Variants in XKR4 observed in about 807,000 individuals in gnomAD.
XKR4 encodes XK-related protein 4.
XKR4 carries 12 observed loss-of-function variants against 53.9 expected under a neutral mutation model. The ratio of observed to expected loss-of-function variants is 0.22; its 90% CI spans 0.14 to 0.36. XKR4 has a LOEUF of 0.36. Among genes scored for constraint, XKR4 ranks in the 10% least tolerant of loss-of-function variants. The probability of loss-of-function intolerance (pLI) is 1.00; values close to 1 mark genes in which losing one functional copy is unlikely to be tolerated. For missense variants in XKR4, 799 were observed against 859.5 expected (o/e 0.93, Z 0.88); for synonymous variants, 354 against 362.4 (o/e 0.98, Z 0.26).
intron 2 of XKR4, among the ~76,000 whole-genome samples, chr8:55,515,468 A>G (rs1806698697): frequency 6.6e-6 from 1 of 152,032 alleles, no homozygotes; most frequent in Non-Finnish European, 1.5e-5. Context: ...AAGAGGTTCT[A>G]CTGCTTTTAT....
intron 1 of XKR4, among the ~76,000 whole-genome samples, chr8:55,274,511 C>T (rs1421780650): frequency 6.6e-6 from 1 of 151,728 alleles, no homozygotes; most frequent in East Asian, 1.9e-4. Flanking sequence ...TGGCTTACTG[C>T]AGCCTCCGCC....
intron 2 of XKR4, among the ~76,000 whole-genome samples, chr8:55,446,910 C>T (rs1805355673): frequency 6.6e-6 from 1 of 152,126 alleles, no homozygotes; most frequent in Middle Eastern, 3.4e-3. Context: ...AGTGCCTGCC[C>T]CAAATGTATG....
At chr8:55,507,046 T>C (rs1677102872) in intron 2 of XKR4, among the ~76,000 whole-genome samples, 1 of 152,232 alleles carries the variant, frequency 6.6e-6, no homozygotes, top group African/African-American at 2.4e-5. Flanking sequence ...TGTTTCTTTA[T>C]GATTATCTGG....
intron 1 of XKR4, among the ~76,000 whole-genome samples, chr8:55,138,346 C>T (rs1041013760): frequency 6.6e-6 from 1 of 152,116 alleles, no homozygotes; most frequent in Non-Finnish European, 1.5e-5. Flanking sequence ...CCTCCAATAA[C>T]GAAACCAAGA....
intron 2 of XKR4, among the ~76,000 whole-genome samples, chr8:55,410,454 T>A (rs371197762): frequency 6.6e-6 from 1 of 152,216 alleles, no homozygotes; most frequent in Non-Finnish European, 1.5e-5. Context: ...AATTGGGTTA[T>A]AATCCTCAGC....
intron 1 of XKR4, among the ~76,000 whole-genome samples, chr8:55,234,843 C>T (rs566496923): frequency 6.6e-6 from 1 of 152,284 alleles, no homozygotes; most frequent in Admixed American, 6.5e-5. Flanking sequence ...GCGCAGACCC[C>T]TATGGCTGTG....
Position 55,428,068 on chromosome 8 carries a change from T to C in XKR4, c.1006+70191T>C, listed in dbSNP as rs144599596. Among the ~76,000 whole-genome samples, 17 of 152,360 alleles carry C rather than the reference T, an allele frequency of 1.1e-4. No individual in the cohort carries two copies. The East Asian group carries it at 3.1e-3, about 28-fold the overall frequency. On this transcript the variant is annotated intron_variant, in intron 2 of 2. Coordinates refer to ENST00000327381, the MANE Select transcript of XKR4 (RefSeq NM_052898.2). Reference sequence around the variant, plus strand: ...GTCTATGGGAACTGGATGTGATTTATACAACTTTATGTGCTTTAAAAATAT... The same window carrying C: ...GTCTATGGGAACTGGATGTGATTTACACAACTTTATGTGCTTTAAAAATAT...
At chr8:55,177,982 G>T (rs956893769) in intron 1 of XKR4, among the ~76,000 whole-genome samples, 1 of 152,172 alleles carries the variant, frequency 6.6e-6, no homozygotes, top group Non-Finnish European at 1.5e-5. Context: ...GTGCCCTGTG[G>T]AGGTGCTCCA....
intron 2 of XKR4, among the ~76,000 whole-genome samples, chr8:55,397,288 C>A (rs1049597125): frequency 1.3e-5 from 2 of 152,194 alleles, no homozygotes; most frequent in African/African-American, 4.8e-5. Flanking sequence ...CTTTCTCTTG[C>A]CGCAATTATT....
intron 2 of XKR4, among the ~76,000 whole-genome samples, chr8:55,430,938 C>T (rs79203229): frequency 3.3e-5 from 5 of 152,272 alleles, no homozygotes; most frequent in East Asian, 3.9e-4. Flanking sequence ...TTTCAACACA[C>T]GAATGTGGGG....
At chr8:55,288,237 G>A (rs1322760730) in intron 1 of XKR4, among the ~76,000 whole-genome samples, 1 of 152,182 alleles carries the variant, frequency 6.6e-6, no homozygotes, top group Admixed American at 6.5e-5. Flanking sequence ...CACATACAAA[G>A]ATTGCAATTC....
intron 1 of XKR4, among the ~76,000 whole-genome samples, chr8:55,165,474 TA>T (rs1292929898): frequency 1.2e-4 from 19 of 152,226 alleles, no homozygotes; most frequent in Non-Finnish European, 2.2e-4. Context: ...ACTTGCAAAG[TA>T]TCATGAAATA....
At position 55,102,763 on chromosome 8, in the gene XKR4, G is replaced by T. The variant is rs1335161528; in HGVS notation, c.275G>T (p.Gly92Val). ...GVAGPGGGGA[G>V]SAALCLRLGR... ...GCCGGCCCGGGCGGCGGCGGGGCGG[G>T]CTCGGCTGCGCTGTGCCTGCGCCTG... Residue 92 changes from glycine to valine, a missense_variant, in exon 1 of 3, where the codon GGC (glycine) becomes GTC (valine). Physicochemically the swap from Gly to Val is moderately radical, Grantham distance 109. This residue lies in a region of XKR4 where 476 missense variants were observed against 505.4 expected (regional missense o/e 0.94). Transcript: ENST00000327381. This position sits in a 1 kb window ranked among gnomAD's most constrained non-coding sequence, Gnocchi z 5.1. 8 of 1,331,588 alleles carry T rather than the reference G, an allele frequency of 6.0e-6. No homozygotes were observed. The East Asian group carries it at 8.5e-5, about 14-fold the overall frequency. 82.5% of individuals were successfully genotyped at this position (1,331,588 alleles called of 1,614,324 possible).
At chr8:55,203,389 C>T (rs1035563414) in intron 1 of XKR4, among the ~76,000 whole-genome samples, 2 of 152,186 alleles carry the variant, frequency 1.3e-5, no homozygotes, top group African/African-American at 4.8e-5. Context: ...CTTTATTGCA[C>T]CTAGTTACTT....
chr8:55,363,181 C>T (rs1803927895), intron 2 of XKR4, among the ~76,000 whole-genome samples: 2 of 152,132 alleles, frequency 1.3e-5, no homozygotes, highest in African/African-American at 4.8e-5. Context: ...CATCCTACAC[C>T]CTAAGTGTAT....
intron 1 of XKR4, among the ~76,000 whole-genome samples, chr8:55,305,547 T>G (rs1819283364): frequency 1.3e-5 from 2 of 152,202 alleles, no homozygotes; most frequent in Admixed American, 1.3e-4. Context: ...GTGCCTTGAG[T>G]ATGTCACTTA....
chr8:55,512,400 C>G (rs1310789491), intron 2 of XKR4, among the ~76,000 whole-genome samples: 1 of 152,168 alleles, frequency 6.6e-6, no homozygotes, highest in Non-Finnish European at 1.5e-5. Context: ...CTGGCCAGCC[C>G]TCCTCAGCCC....
intron 2 of XKR4, among the ~76,000 whole-genome samples, chr8:55,363,053 C>T (rs1026622105): frequency 3.3e-5 from 5 of 152,248 alleles, no homozygotes; most frequent in Admixed American, 2.0e-4. Context: ...AAACAAATAT[C>T]TGGCCTTCAC....
chr8:55,480,997 C>A (rs1486953636), intron 2 of XKR4, among the ~76,000 whole-genome samples: 1 of 152,116 alleles, frequency 6.6e-6, no homozygotes, highest in Non-Finnish European at 1.5e-5. Flanking sequence ...AGATTCAATG[C>A]CATCCCCATC....
Sources: allele counts gnomAD v4.1 joint callset (sites outside exome capture counted in the v4.1 genomes callset), GRCh38; gene constraint gnomAD v4.1.1; regional missense constraint gnomAD v4.1.1; non-coding constraint Gnocchi (gnomAD v3.1); transcripts MANE v1.5; gene names NCBI Gene and HGNC (gene_info 2026-07-23, HGNC 2026-07-21).